CACNA1D: variants seen among roughly 807,000 people sequenced by gnomAD.
The protein encoded by CACNA1D is voltage-dependent L-type calcium channel subunit alpha-1D.
CACNA1D carries 55 observed loss-of-function variants against 257.1 expected under a neutral mutation model. The ratio of observed to expected loss-of-function variants is 0.21; its 90% CI spans 0.17 to 0.27. CACNA1D has a LOEUF of 0.27. Among genes scored for constraint, CACNA1D ranks in the 10% least tolerant of loss-of-function variants. The pLI is 1.00. For synonymous variants in CACNA1D, 980 were observed against 1,014.9 expected (o/e 0.97, Z 0.65); for missense variants, 1,876 against 2,784.0 (o/e 0.67, Z 7.34).
intron 8 of CACNA1D, among the ~76,000 whole-genome samples, chr3:53,693,971 A>G (rs1299572562): frequency 6.6e-6 from 1 of 152,200 alleles, no homozygotes. Context: ...CCAGTGGCCC[A>G]TTTATTTTAT....
chr3:53,668,436 T>TATTAATTATGACA (rs1276183461), intron 7 of CACNA1D, among the ~76,000 whole-genome samples: 1 of 152,212 alleles, frequency 6.6e-6, no homozygotes, highest in Non-Finnish European at 1.5e-5. Context: ...CTATTTTTAT[T>TATTAATTATGACA]ATTAATATGA....
intron 3 of CACNA1D, among the ~76,000 whole-genome samples, chr3:53,547,064 G>A (rs2092428090): frequency 6.6e-6 from 1 of 152,140 alleles, no homozygotes; most frequent in Admixed American, 6.5e-5. Context: ...AGGCATTTTA[G>A]AAAAGAGGGA....
At chr3:53,511,417 C>T (rs540052292) in intron 3 of CACNA1D, among the ~76,000 whole-genome samples, 10 of 152,236 alleles carry the variant, frequency 6.6e-5, no homozygotes, top group African/African-American at 2.4e-4. Flanking sequence ...GAAGCAGCCA[C>T]GCTCATTCAG....
At chr3:53,637,074 A>C (rs1487696992) in intron 3 of CACNA1D, among the ~76,000 whole-genome samples, 1 of 152,062 alleles carries the variant, frequency 6.6e-6, no homozygotes, top group Non-Finnish European at 1.5e-5. Flanking sequence ...TTCTGTCCTA[A>C]ATATTTAAAG....
At chr3:53,730,293 T>C (rs1157747410) in intron 15 of CACNA1D, 149 bp from the exon 16 acceptor site, 1 of 693,456 alleles carries the variant, frequency 1.4e-6, no homozygotes, top group Non-Finnish European at 2.7e-6. Flanking sequence ...AGCAGGGCTC[T>C]GGTACTCTAG....
chr3:53,715,214 G>A (rs1019564685), intron 9 of CACNA1D, among the ~76,000 whole-genome samples: 2 of 152,112 alleles, frequency 1.3e-5, no homozygotes, highest in South Asian at 4.1e-4. Flanking sequence ...AATTTCTAGC[G>A]TAGGCACTGT....
chr3:53,743,836 A>G (rs1310991763), intron 22 of CACNA1D, among the ~76,000 whole-genome samples: 2 of 152,046 alleles, frequency 1.3e-5, no homozygotes, highest in South Asian at 4.1e-4. Context: ...CCTGCCCTCT[A>G]AGCTAAAGAG....
At chr3:53,733,546 A>G (rs1475119575) in intron 19 of CACNA1D, among the ~76,000 whole-genome samples, 1 of 152,218 alleles carries the variant, frequency 6.6e-6, no homozygotes, top group African/African-American at 2.4e-5. Flanking sequence ...TACTTAAAAT[A>G]GCATTTCTCA....
At chr3:53,572,971 C>T (rs1239158074) in intron 3 of CACNA1D, among the ~76,000 whole-genome samples, 1 of 152,186 alleles carries the variant, frequency 6.6e-6, no homozygotes, top group Admixed American at 6.5e-5. Flanking sequence ...TCCCTCTTGC[C>T]CATGGCACAC....
chr3:53,738,427 G>A (rs928127980), intron 20 of CACNA1D, among the ~76,000 whole-genome samples: 1 of 152,158 alleles, frequency 6.6e-6, no homozygotes, highest in African/African-American at 2.4e-5. Context: ...AGAGGGTTTA[G>A]TTGCTCTAGA....
intron 8 of CACNA1D, among the ~76,000 whole-genome samples, chr3:53,693,365 A>G (rs2094545353): frequency 6.6e-6 from 1 of 152,238 alleles, no homozygotes; most frequent in South Asian, 2.1e-4. Context: ...GTTGAGGGAA[A>G]AATGGAACAA....
At position 53,746,543 on chromosome 3, in the gene CACNA1D, T is replaced by C. The variant is rs552536648; in HGVS notation, c.3167+668T>C. 3.9e-5 allele frequency among the ~76,000 whole-genome samples: 6 copies of C among 152,286 alleles called. 1 individual carries two copies. The highest frequency in any genetic ancestry group is 6.8e-3 in the Middle Eastern group (2 of 294). ...CCCACCCGCGAGAGACATAACTGAC[T>C]GGGCTCTGGCTGACTGTGCCTGTAC... On this transcript the variant is annotated intron_variant, in intron 25 of 47. Coordinates refer to ENST00000350061, the MANE Select transcript of CACNA1D (RefSeq NM_001128840.3).
chr3:53,554,299 C>T (rs1412538403), intron 3 of CACNA1D, among the ~76,000 whole-genome samples: 1 of 151,878 alleles, frequency 6.6e-6, no homozygotes, highest in Non-Finnish European at 1.5e-5. Context: ...GTTTTAAAAC[C>T]AGAATGTCTA....
chr3:53,512,812 G>A (rs958929134), intron 3 of CACNA1D, among the ~76,000 whole-genome samples: 2 of 152,206 alleles, frequency 1.3e-5, no homozygotes, highest in African/African-American at 2.4e-5. Context: ...TCTTTGTGTA[G>A]TATTAGGTCG....
At chr3:53,745,566 A>G in intron 23 of CACNA1D, 58 bp from the exon 24 acceptor site, 1,525 of 905,346 alleles carry the variant, frequency 1.7e-3, no homozygotes, top group Non-Finnish European at 2.6e-3. Context: ...GGCTGATGTT[A>G]GCTCACCTCA....
intron 3 of CACNA1D, among the ~76,000 whole-genome samples, chr3:53,586,082 T>C (rs2093210773): frequency 6.6e-6 from 1 of 152,074 alleles, no homozygotes; most frequent in Non-Finnish European, 1.5e-5. Context: ...ATGTGGGTAA[T>C]GGGCCAGAAA....
At chr3:53,778,092 C>T (rs763700546) in intron 37 of CACNA1D, among the ~76,000 whole-genome samples, 2 of 152,134 alleles carry the variant, frequency 1.3e-5, no homozygotes, top group Non-Finnish European at 2.9e-5. Context: ...ATCCCTTGAG[C>T]CAGACTCATG....
At chr3:53,651,800 T>A (rs905337196) in intron 4 of CACNA1D, among the ~76,000 whole-genome samples, 2 of 152,232 alleles carry the variant, frequency 1.3e-5, no homozygotes, top group Non-Finnish European at 2.9e-5. Context: ...TCTTCATGAC[T>A]TCAGTGAACT....
intron 3 of CACNA1D, among the ~76,000 whole-genome samples, chr3:53,648,190 T>G (rs538124452): frequency 2.6e-5 from 4 of 151,536 alleles, no homozygotes; most frequent in African/African-American, 7.3e-5. Context: ...AGCAAAAGCT[T>G]TTTTTTTTCT....
Sources: allele counts gnomAD v4.1 joint callset (sites outside exome capture counted in the v4.1 genomes callset), GRCh38; gene constraint gnomAD v4.1.1; transcripts MANE v1.5; gene names NCBI Gene and HGNC (gene_info 2026-07-23, HGNC 2026-07-21).